The following MAPKAPK3 variants were observed in gnomAD, a reference collection of about 807,000 sequenced individuals.
The protein encoded by MAPKAPK3 is MAPK activated protein kinase 3.
In MAPKAPK3, 35 loss-of-function variants were observed where a neutral mutation model predicts 49.2. That is an observed-to-expected ratio of 0.71 (90% CI 0.54 to 0.94). The LOEUF is 0.94. Ranked by LOEUF, MAPKAPK3 falls within the 40% of genes least tolerant of loss-of-function variation. The probability of loss-of-function intolerance (pLI) is 0.00; values close to 1 mark genes in which losing one functional copy is unlikely to be tolerated. For missense variants in MAPKAPK3, 398 were observed against 493.1 expected, an observed-to-expected ratio of 0.81 and a Z score of 1.83; for synonymous variants, 178 against 188.7, an observed-to-expected ratio of 0.94 and a Z score of 0.46.
intron 2 of MAPKAPK3, among the ~76,000 whole-genome samples, chr3:50,627,336 G>T (rs980687145): frequency 6.6e-6 from 1 of 152,024 alleles, no homozygotes; most frequent in Non-Finnish European, 1.5e-5. Flanking sequence ...CACTGCTGGT[G>T]CTGATCTTGC....
intron 2 of MAPKAPK3, among the ~76,000 whole-genome samples, chr3:50,625,493 A>G (rs1559484143): frequency 5.3e-5 from 8 of 152,168 alleles, no homozygotes. Context: ...TTTGGCTTAG[A>G]GCAGGAACAC....
At chr3:50,618,436 T>C (rs992421668) in intron 2 of MAPKAPK3, among the ~76,000 whole-genome samples, 11 of 152,116 alleles carry the variant, frequency 7.2e-5, no homozygotes, top group Admixed American at 6.5e-4. Flanking sequence ...CCTCAGACTA[T>C]AGGCTCCCTG....
Position 50,647,875 on chromosome 3 carries a change from C to T in MAPKAPK3, c.997-19C>T. 6.2e-7 allele frequency: 1 copy of T among 1,606,038 alleles called. No homozygotes were observed. Among genetic ancestry groups the T allele is most frequent in the Non-Finnish European group, 8.5e-7 (1 of 1,176,682 alleles). On this transcript the variant is annotated intron_variant, in intron 10 of 10. Transcript: ENST00000621469. ...GTACATCCTGACCTCTTAGTGCCCACCATCCTGTCTGTCCCCAGGAGGAGA... is the reference window on the plus strand; with the variant it reads ...GTACATCCTGACCTCTTAGTGCCCATCATCCTGTCTGTCCCCAGGAGGAGA...
intron 5 of MAPKAPK3, among the ~76,000 whole-genome samples, chr3:50,643,123 A>T (rs2033214521): frequency 6.6e-6 from 1 of 152,228 alleles, no homozygotes; most frequent in Non-Finnish European, 1.5e-5. Flanking sequence ...AAGTGCTGGG[A>T]TTACAGGCGT....
intron 3 of MAPKAPK3, 96 bp from the exon 4 acceptor site, chr3:50,641,611 G>T (rs1292992974): frequency 4.2e-6 from 4 of 957,708 alleles, no homozygotes; most frequent in Non-Finnish European, 6.8e-6. Context: ...GAGCGGAGCA[G>T]CAGGGTCTGA....
intron 2 of MAPKAPK3, among the ~76,000 whole-genome samples, chr3:50,637,123 G>A (rs915956515): frequency 1.3e-5 from 2 of 152,170 alleles, no homozygotes; most frequent in East Asian, 3.9e-4. Context: ...GCAGGCCCAG[G>A]CTGGAAGGCT....
upstream of MAPKAPK3, chr3:50,617,117 A>AGGGGGGG (rs559380787): frequency 4.2e-4 from 9 of 21,486 alleles, no homozygotes; most frequent in African/African-American, 1.6e-3. Flanking sequence ...GGGGGTGGGG[A>AGGGGGGG]GGGGGGGGAG....
chr3:50,644,394 C>T lies in MAPKAPK3; in HGVS notation c.505-15C>T. 6.2e-7 allele frequency: 1 copy of T among 1,613,884 alleles called. No individual in the cohort carries two copies. Among genetic ancestry groups the T allele is most frequent in the Non-Finnish European group, 8.5e-7 (1 of 1,179,800 alleles). ...GTTCCTAACTCCAAACCAATGTTTT[C>T]TCTTTCTGGCCCAGCCTGAAAACCT... On this transcript the variant is annotated splice_polypyrimidine_tract_variant and intron_variant, in intron 5 of 10. Coordinates refer to ENST00000621469, the MANE Select transcript of MAPKAPK3 (RefSeq NM_001243925.2).
chr3:50,634,937 G>T (rs1213991223), intron 2 of MAPKAPK3, among the ~76,000 whole-genome samples: 1 of 152,174 alleles, frequency 6.6e-6, no homozygotes, highest in Non-Finnish European at 1.5e-5. Context: ...TGTGGGAGTG[G>T]TACTATGGTA....
intron 5 of MAPKAPK3, among the ~76,000 whole-genome samples, chr3:50,642,626 T>G (rs537839968): frequency 6.6e-6 from 1 of 152,386 alleles, no homozygotes; most frequent in African/African-American, 2.4e-5. Flanking sequence ...CAATCTCATT[T>G]CATTCTCACC....
upstream of MAPKAPK3, among the ~76,000 whole-genome samples, chr3:50,615,397 G>A (rs2032442172): frequency 1.3e-5 from 2 of 152,242 alleles, no homozygotes; most frequent in Admixed American, 6.5e-5. Context: ...GCATGTGTGT[G>A]CACATGTGTA....
chr3:50,613,091 T>C (rs1029926329), upstream of MAPKAPK3: 4 of 152,090 alleles, frequency 2.6e-5, no homozygotes, highest in Non-Finnish European at 5.9e-5. Flanking sequence ...CCAGAAGAAC[T>C]GTGGGATTTG....
intron 2 of MAPKAPK3, among the ~76,000 whole-genome samples, chr3:50,631,669 C>T (rs1012588471): frequency 6.6e-6 from 1 of 152,236 alleles, no homozygotes; most frequent in African/African-American, 2.4e-5. Context: ...CCCAAATAAT[C>T]ATACAACTGG....
At chr3:50,625,556 C>T (rs1210038735) in intron 2 of MAPKAPK3, among the ~76,000 whole-genome samples, 5 of 152,230 alleles carry the variant, frequency 3.3e-5, no homozygotes, top group African/African-American at 9.6e-5. Context: ...CAGCACTAGA[C>T]AGGCCAGAGA....
upstream of MAPKAPK3, chr3:50,611,821 A>G: frequency 1.2e-6 from 1 of 850,238 alleles, no homozygotes; most frequent in Non-Finnish European, 1.7e-6. Flanking sequence ...GGGGCGGGCC[A>G]GACGAGCGGG....
At chr3:50,641,539 C>G (rs2033175797) in intron 3 of MAPKAPK3, among the ~76,000 whole-genome samples, 168 bp from the exon 4 acceptor site, 1 of 152,174 alleles carries the variant, frequency 6.6e-6, no homozygotes, top group Admixed American at 6.5e-5. Context: ...AAGCTGACAA[C>G]CCACCATGCA....
intron 2 of MAPKAPK3, among the ~76,000 whole-genome samples, chr3:50,625,717 C>T (rs938054112): frequency 3.9e-5 from 6 of 152,298 alleles, no homozygotes; most frequent in Non-Finnish European, 8.8e-5. Context: ...TCTCCTTTTC[C>T]ACCTGTTTCT....
At chr3:50,647,774 TG>T in intron 10 of MAPKAPK3, 119 bp from the exon 11 acceptor site, 1 of 941,426 alleles carries the variant, frequency 1.1e-6, no homozygotes, top group Non-Finnish European at 1.6e-6. Flanking sequence ...GGGCACACAG[TG>T]GGCACAGAGG....
chr3:50,647,184 A>G lies in MAPKAPK3; in HGVS notation c.977A>G (p.Asp326Gly). ...GCCCGAGTGCTGCAGGAGGACAAAG[A>G]CCACTGGGACGAAGTCAAGGTGGGT... ...HTARVLQEDKDHWDEVKEEMT... is the reference protein window; with the variant it reads ...HTARVLQEDKGHWDEVKEEMT... Residue 326 changes from aspartate (D) to glycine (G), a missense_variant, in exon 10 of 11, where the codon GAC becomes GGC. By Grantham distance (94) the Asp-to-Gly change is moderately conservative (BLOSUM62 -1). Transcript: ENST00000621469. 1 of 1,594,214 alleles carries G rather than the reference A, an allele frequency of 6.3e-7. No homozygotes were observed. The highest frequency in any genetic ancestry group is 1.1e-5 in the South Asian group (1 of 87,442).
Sources: gnomAD v4.1 joint callset for allele counts (sites outside exome capture counted in the v4.1 genomes callset) on GRCh38, gnomAD v4.1.1 for gene constraint, MANE v1.5 for transcripts, NCBI Gene and HGNC (gene_info 2026-07-23, HGNC 2026-07-21) for gene names.